TGFBR3: variants seen among roughly 807,000 people sequenced by gnomAD.
TGFBR3 encodes transforming growth factor beta receptor 3.
A neutral mutation model predicts 87.9 loss-of-function variants in TGFBR3; 46 were observed. That is an observed-to-expected ratio of 0.52 (90% CI 0.41 to 0.67). TGFBR3 has a LOEUF of 0.67. TGFBR3 is among the 30% of genes least tolerant of loss of function. The pLI is 0.00. For missense variants in TGFBR3, 866 were observed against 1,041.9 expected (o/e 0.83, Z 2.32); for synonymous variants, 381 against 391.6 (o/e 0.97, Z 0.32).
At chr1:91,886,631 C>A (rs183057985), upstream of TGFBR3, among the ~76,000 whole-genome samples, 1 of 152,264 alleles carries the variant, frequency 6.6e-6, no homozygotes, top group African/African-American at 2.4e-5. Context: ...CTGATCACAG[C>A]CTCTTGCCCT....
rs7530354 is a variant in TGFBR3 at position 91,896,833 on chromosome 1, G to A, written c.-114+2804C>T. Among the ~76,000 whole-genome samples, 5 of 151,476 alleles carry A rather than the reference G, an allele frequency of 3.3e-5. No individual in the cohort carries two copies. In the East Asian group the frequency reaches 9.7e-4, roughly 29 times the overall value. On this transcript the variant is annotated intron_variant, in intron 2 of 17. Coordinates refer to the TGFBR3 transcript ENST00000370399. ...AAGGAAAAGTAAACAAGTCTTAAAG[G>A]GTCTTTGACTAACTCCCCAAGTGAG...
At chr1:91,896,886 A>C (rs1346835428) in intron 2 of TGFBR3, among the ~76,000 whole-genome samples, 1 of 150,868 alleles carries the variant, frequency 6.6e-6, no homozygotes, top group Non-Finnish European at 1.5e-5. Context: ...TCATTAATGT[A>C]CACATCCCCT....
In TGFBR3 at chr1:91,712,225, G is replaced by A. The variant is rs770956280; in HGVS notation, c.2166+18C>T. Reference sequence around the variant, plus strand: ...AAAATGCCAAAATAACCATCCGAATGGATGAAGGCCCACAAACCTTAGGCA... The same window carrying A: ...AAAATGCCAAAATAACCATCCGAATAGATGAAGGCCCACAAACCTTAGGCA... On this transcript the variant is annotated intron_variant, in intron 13 of 16. Transcript: ENST00000212355. 8 of 1,612,798 alleles carry A rather than the reference G, an allele frequency of 5.0e-6. No homozygotes were observed. In the African/African-American group the frequency reaches 5.3e-5, roughly 11 times the overall value.
At chr1:91,806,882 G>A (rs1163081218) in intron 2 of TGFBR3, among the ~76,000 whole-genome samples, 4 of 152,188 alleles carry the variant, frequency 2.6e-5, no homozygotes, top group Non-Finnish European at 5.9e-5. Flanking sequence ...CCCTTGGGCT[G>A]AAAATCCTTT....
upstream of TGFBR3, among the ~76,000 whole-genome samples, chr1:91,890,409 CTTTTTTTTTT>C (rs1175619952): frequency 5.0e-5 from 3 of 60,362 alleles, no homozygotes; most frequent in Non-Finnish European, 8.3e-5. Context: ...TCTCTATAAT[CTTTTTTTTTT>C]TTTTTTTTTT....
rs894412454 is a variant in TGFBR3 at position 91,904,233 on chromosome 1, T to C, written c.-175+1593A>G. 8.6e-5 allele frequency among the ~76,000 whole-genome samples: 13 copies of C among 150,368 alleles called. No homozygotes were observed. In the East Asian group the frequency reaches 2.0e-3, roughly 23 times the overall value. On this transcript the variant is annotated intron_variant, in intron 1 of 17. Coordinates refer to the TGFBR3 transcript ENST00000370399. ...CTCAAAAACTTACTTTGGAAACTTA[T>C]AGAGAGCACAGTGGTTAAAAGCATG...
intron 3 of TGFBR3, among the ~76,000 whole-genome samples, chr1:91,779,935 C>T (rs1193382062): frequency 1.3e-5 from 2 of 152,170 alleles, no homozygotes; most frequent in South Asian, 2.1e-4. Flanking sequence ...TGTTCCCAGC[C>T]TCTTTCAGGT....
At chr1:91,711,827 C>A (rs1671992363) in intron 13 of TGFBR3, among the ~76,000 whole-genome samples, 1 of 152,188 alleles carries the variant, frequency 6.6e-6, no homozygotes. Context: ...TGAGACAAGT[C>A]AACCTTATAT....
In TGFBR3 at chr1:91,730,104, G is replaced by A. The variant is rs1022338397; in HGVS notation, c.569-131C>T. ...CCACGAGCTCAAAGGATGGTTCTTC[G>A]TCTGTGAAGTCCGCAACCACTGCCC... On this transcript the variant is annotated intron_variant, in intron 5 of 16. Coordinates refer to ENST00000212355, the MANE Select transcript of TGFBR3 (RefSeq NM_003243.5). 110 of 1,011,482 alleles carry A rather than the reference G, an allele frequency of 1.1e-4. 3 individuals carry two copies. The highest frequency in any genetic ancestry group is 8.0e-4 in the South Asian group (59 of 73,568). 62.7% of individuals were successfully genotyped at this position (1,011,482 alleles called of 1,614,324 possible). A position where few individuals can be genotyped will look rare whatever the true frequency, so the allele number is the denominator to read the frequency against.
At chr1:91,738,480 C>T (rs1274869264) in intron 4 of TGFBR3, among the ~76,000 whole-genome samples, 3 of 152,168 alleles carry the variant, frequency 2.0e-5, no homozygotes, top group African/African-American at 7.2e-5. Context: ...CACGTGAGAT[C>T]TGCTCATTTA....
chr1:91,776,825 C>T (rs565844791), intron 3 of TGFBR3, among the ~76,000 whole-genome samples: 2 of 152,264 alleles, frequency 1.3e-5, no homozygotes, highest in South Asian at 2.1e-4. Flanking sequence ...TCATTAAAGA[C>T]GAGGGCCGAA....
chr1:91,802,322 A>T (rs1675660317), intron 2 of TGFBR3, among the ~76,000 whole-genome samples: 1 of 148,058 alleles, frequency 6.8e-6, no homozygotes, highest in African/African-American at 2.5e-5. Flanking sequence ...TACAGAAATG[A>T]CTCCAGGCCA....
rs756338808 is a variant in TGFBR3 at position 91,682,045 on chromosome 1, GA to G, written c.*1693del. The G allele has an allele frequency of 2.7e-3, 971 of 353,408 alleles. 3 individuals carry two copies. The highest frequency in any genetic ancestry group is 5.7e-3 in the Middle Eastern group (6 of 1,052). 21.9% of individuals were successfully genotyped at this position (353,408 alleles called of 1,614,324 possible). ...TGTTTTAGTTAAAATGTTCCTTATT[GA>G]AAAAAAAAAATGTTCCTTATTGAAT... On this transcript the variant is annotated 3_prime_UTR_variant, in exon 17 of 17. Coordinates refer to ENST00000212355, the MANE Select transcript of TGFBR3 (RefSeq NM_003243.5).
At chr1:91,762,159 CAG>C (rs1673988802) in intron 3 of TGFBR3, among the ~76,000 whole-genome samples, 1 of 152,196 alleles carries the variant, frequency 6.6e-6, no homozygotes, top group Non-Finnish European at 1.5e-5. Context: ...CAGCAATGAC[CAG>C]TCTCGAAACC....
intron 2 of TGFBR3, among the ~76,000 whole-genome samples, chr1:91,799,496 G>C (rs543063146): frequency 6.6e-6 from 1 of 152,146 alleles, no homozygotes; most frequent in East Asian, 1.9e-4. Flanking sequence ...GGGATGTCTG[G>C]TATACTTCAC....
intron 12 of TGFBR3, among the ~76,000 whole-genome samples, chr1:91,715,109 G>T (rs1361184813): frequency 6.6e-6 from 1 of 152,170 alleles, no homozygotes; most frequent in South Asian, 2.1e-4. Context: ...ACCAAAACCA[G>T]CTCATTAGAT....
chr1:91,781,603 C>T (rs190265270), intron 3 of TGFBR3, among the ~76,000 whole-genome samples: 24 of 152,026 alleles, frequency 1.6e-4, no homozygotes, highest in African/African-American at 5.8e-4. Context: ...ATATGTAGGA[C>T]GTATACACAG....
At chr1:91,868,656 G>A (rs1678472241) in intron 1 of TGFBR3, among the ~76,000 whole-genome samples, 1 of 152,136 alleles carries the variant, frequency 6.6e-6, no homozygotes, top group Admixed American at 6.5e-5. Flanking sequence ...GGAATCAGCT[G>A]TCATCAAAAA....
At chr1:91,751,220 A>G (rs1673529109) in intron 4 of TGFBR3, among the ~76,000 whole-genome samples, 1 of 152,220 alleles carries the variant, frequency 6.6e-6, no homozygotes, top group South Asian at 2.1e-4. Flanking sequence ...AAAGAAAAAA[A>G]TTATTTCCAG....
Sources: allele counts gnomAD v4.1 joint callset (sites outside exome capture counted in the v4.1 genomes callset), GRCh38; gene constraint gnomAD v4.1.1; transcripts MANE v1.5; gene names NCBI Gene and HGNC (gene_info 2026-07-23, HGNC 2026-07-21).